Variants in AKAP19 observed in about 807,000 individuals in gnomAD.
The protein encoded by AKAP19 is A-kinase anchoring protein 19, also known as small A-kinase anchoring protein.
the AKAP19 span, among the ~76,000 whole-genome samples, chr2:190,099,387 GAGAC>G: frequency 1.3e-5 from 2 of 152,140 alleles, no homozygotes; most frequent in African/African-American, 4.8e-5. Context: ...GAGAAGGAGA[GAGAC>G]AGGGTAATGA....
the AKAP19 span, among the ~76,000 whole-genome samples, chr2:190,181,793 G>C: frequency 6.6e-6 from 1 of 152,076 alleles, no homozygotes; most frequent in Non-Finnish European, 1.5e-5. Flanking sequence ...ATAAGAATTC[G>C]GAGGAATAGG....
the AKAP19 span, among the ~76,000 whole-genome samples, chr2:190,134,669 T>C: frequency 9.9e-6 from 1 of 100,768 alleles, no homozygotes; most frequent in Non-Finnish European, 2.2e-5. Context: ...TATTCCCAGA[T>C]CTCCAATGGT....
the AKAP19 span, among the ~76,000 whole-genome samples, chr2:189,916,588 CTGGGATTACAGG>C: frequency 6.6e-6 from 1 of 152,134 alleles, no homozygotes; most frequent in South Asian, 2.1e-4. Flanking sequence ...TCCCAAAGTG[CTGGGATTACAGG>C]TGTAAGCCAC....
chr2:190,090,000 T>C, the AKAP19 span, among the ~76,000 whole-genome samples: 27 of 152,296 alleles, frequency 1.8e-4, no homozygotes, highest in Non-Finnish European at 1.2e-4. Flanking sequence ...GCCTGGTATA[T>C]ATGCCCCTTT....
At chr2:189,968,375 C>A in the AKAP19 span, among the ~76,000 whole-genome samples, 2 of 152,110 alleles carry the variant, frequency 1.3e-5, no homozygotes, top group Admixed American at 6.5e-5. Context: ...GTAGCTAGGA[C>A]TACAGGCAAG....
chr2:189,918,490 G>C, the AKAP19 span, among the ~76,000 whole-genome samples: 1 of 152,084 alleles, frequency 6.6e-6, no homozygotes, highest in East Asian at 1.9e-4. Flanking sequence ...TCACTAGTAT[G>C]AGTATAATTT....
chr2:189,976,618 G>A, the AKAP19 span, among the ~76,000 whole-genome samples: 776 of 152,328 alleles, frequency 5.1e-3, 16 homozygotes, highest in East Asian at 0.045. Context: ...GCTGCGGTGG[G>A]TTCCACCCAG....
the AKAP19 span, among the ~76,000 whole-genome samples, chr2:189,976,549 TG>T: frequency 6.6e-6 from 1 of 152,240 alleles, no homozygotes; most frequent in Admixed American, 6.5e-5. Flanking sequence ...TGCTGCCTTT[TG>T]TTTGGCCATC....
At chr2:190,069,175 T>TGTGTGTGTGTGTGTGTGTGAGA in the AKAP19 span, among the ~76,000 whole-genome samples, 169 of 123,500 alleles carry the variant, frequency 1.4e-3, 1 homozygote, top group African/African-American at 5.2e-3. Flanking sequence ...TGTGTGTGTG[T>TGTGTGTGTGTGTGTGTGTGAGA]GAGAGAGAGA....
the AKAP19 span, among the ~76,000 whole-genome samples, chr2:190,128,862 C>T: frequency 6.6e-6 from 1 of 152,200 alleles, no homozygotes; most frequent in African/African-American, 2.4e-5. Flanking sequence ...TGTTGCATAT[C>T]CCCCTTAAGG....
At chr2:190,115,116 A>AGAGAGAGG in the AKAP19 span, among the ~76,000 whole-genome samples, 1 of 143,150 alleles carries the variant, frequency 7.0e-6, no homozygotes, top group Non-Finnish European at 1.5e-5. Flanking sequence ...GCAGGGGATG[A>AGAGAGAGG]GAGAGAGGGA....
chr2:190,095,083 T>A, the AKAP19 span, among the ~76,000 whole-genome samples: 1 of 151,676 alleles, frequency 6.6e-6, no homozygotes, highest in Admixed American at 6.6e-5. Flanking sequence ...ATTAGCCGGG[T>A]GTAGTGGCCC....
chr2:189,903,716 G>T, the AKAP19 span, among the ~76,000 whole-genome samples: 2 of 151,902 alleles, frequency 1.3e-5, no homozygotes, highest in Admixed American at 1.3e-4. Context: ...TGATGCTGAG[G>T]TTTGGGGTAT....
chr2:189,973,049 C>T, the AKAP19 span, among the ~76,000 whole-genome samples: 2 of 152,152 alleles, frequency 1.3e-5, no homozygotes, highest in East Asian at 3.8e-4. Flanking sequence ...GAGGGCATCC[C>T]TGTCTTGTGC....
the AKAP19 span, among the ~76,000 whole-genome samples, chr2:190,194,477 TACACACACACACACACACACACAC>T: frequency 0.02 from 2,822 of 141,470 alleles, 37 homozygotes; most frequent in Middle Eastern, 0.058. Context: ...ATCCTGTGTA[TACACACACACACACACACACACAC>T]ACACACACAC....
chr2:190,042,637 G>T, the AKAP19 span, among the ~76,000 whole-genome samples: 1 of 152,124 alleles, frequency 6.6e-6, no homozygotes, highest in African/African-American at 2.4e-5. Flanking sequence ...CTTACTTTTT[G>T]ATGTGGGCTT....
chr2:190,164,407 T>G, the AKAP19 span, among the ~76,000 whole-genome samples: 9 of 152,196 alleles, frequency 5.9e-5, no homozygotes, highest in South Asian at 1.9e-3. Flanking sequence ...GTGGTGGCAC[T>G]GTGGTCCCAG....
chr2:189,897,342 A>G, the AKAP19 span, among the ~76,000 whole-genome samples: 8 of 152,156 alleles, frequency 5.3e-5, no homozygotes, highest in Non-Finnish European at 1.2e-4. Context: ...GTGTTTTAGA[A>G]TTAGGTACCA....
chr2:190,150,999 C>A, the AKAP19 span, among the ~76,000 whole-genome samples: 1 of 151,944 alleles, frequency 6.6e-6, no homozygotes. Context: ...CATTCATATT[C>A]TTTGCTTACT....
Sources: gnomAD v4.1 joint callset for allele counts (sites outside exome capture counted in the v4.1 genomes callset) on GRCh38, gnomAD v4.1.1 for gene constraint, MANE v1.5 for transcripts, NCBI Gene and HGNC (gene_info 2026-07-23, HGNC 2026-07-21) for gene names.